The following AUH variants were observed in gnomAD, a reference collection of about 807,000 sequenced individuals.
AUH encodes the protein AU RNA binding methylglutaconyl-CoA hydratase.
A neutral mutation model predicts 42.3 loss-of-function variants in AUH; 29 were observed. The observed-to-expected ratio is 0.69, with a 90% CI of 0.51 to 0.93. The LOEUF is 0.93. Among genes scored for constraint, AUH ranks in the 40% least tolerant of loss-of-function variants. AUH has a pLI of 0.00. For missense variants in AUH, 452 were observed against 438.1 expected (o/e 1.03, Z -0.28); for synonymous variants, 174 against 166.4 (o/e 1.05, Z -0.35).
intron 3 of AUH, among the ~76,000 whole-genome samples, chr9:91,353,361 A>C (rs1283764023): frequency 6.6e-6 from 1 of 152,168 alleles, no homozygotes; most frequent in Non-Finnish European, 1.5e-5. Context: ...CTGGAATTAC[A>C]GGCATGAGCC....
intron 6 of AUH, among the ~76,000 whole-genome samples, chr9:91,280,182 T>C (rs1296881906): frequency 6.6e-6 from 1 of 152,224 alleles, no homozygotes; most frequent in East Asian, 1.9e-4. Context: ...TCTTAATTTA[T>C]AGGCAGAACT....
chr9:91,333,935 T>C (rs1830511946), intron 3 of AUH, among the ~76,000 whole-genome samples: 1 of 152,192 alleles, frequency 6.6e-6, no homozygotes, highest in Non-Finnish European at 1.5e-5. Context: ...AGGAATAACT[T>C]TCCATTGTGG....
chr9:91,357,444 A>G (rs1047792885), intron 1 of AUH: 67 of 931,640 alleles, frequency 7.2e-5, no homozygotes, highest in Non-Finnish European at 7.6e-5. Context: ...AGCAGCTAAG[A>G]CTAGATGTGT....
At chr9:91,284,894 C>G (rs1826276103) in intron 6 of AUH, among the ~76,000 whole-genome samples, 1 of 152,192 alleles carries the variant, frequency 6.6e-6, no homozygotes, top group African/African-American at 2.4e-5. Flanking sequence ...CTGTGGAAGA[C>G]AGTGTGGCAA....
Position 91,361,917 on chromosome 9 carries a change from AC to A in AUH, c.-29del. On this transcript the variant is annotated 5_prime_UTR_variant, in exon 1 of 10. Transcript: ENST00000375731. ...TGTCTGTTTACGGCGTGGACCTGCG[AC>A]GGCCGCTCCGCCCCCGCCCGGCGCC... 1 of 1,354,604 alleles carries A rather than the reference AC, an allele frequency of 7.4e-7. No homozygotes were observed. The highest frequency in any genetic ancestry group is 1.8e-5 in the South Asian group (1 of 54,926). The allele number at this position is 1,354,604 out of a possible 1,614,324, so 83.9% of individuals were successfully genotyped here.
chr9:91,241,562 A>G lies in AUH; in HGVS notation c.656-20570T>C, dbSNP rs570243088. Reference sequence around the variant, plus strand: ...TACATAATATGTATTATGTATGTGTAATACATATATACTTGTGTCAAATGA... The same window carrying G: ...TACATAATATGTATTATGTATGTGTGATACATATATACTTGTGTCAAATGA... On this transcript the variant is annotated intron_variant, in intron 6 of 9. Transcript: ENST00000375731. 1.2e-4 allele frequency among the ~76,000 whole-genome samples: 19 copies of G among 152,214 alleles called. No individual in the cohort carries two copies. In the East Asian group the frequency reaches 3.7e-3, roughly 29 times the overall value.
chr9:91,273,210 C>T (rs978812582), intron 6 of AUH, among the ~76,000 whole-genome samples: 6 of 152,122 alleles, frequency 3.9e-5, no homozygotes, highest in South Asian at 2.1e-4. Flanking sequence ...TGGGCAGAGA[C>T]AAAGCTGCTG....
intron 6 of AUH, among the ~76,000 whole-genome samples, chr9:91,251,345 C>G (rs1829115331): frequency 6.6e-6 from 1 of 152,186 alleles, no homozygotes; most frequent in Admixed American, 6.5e-5. Flanking sequence ...AGAAGTTTCA[C>G]CTCCTCTCAC....
chr9:91,361,744 A>G lies in AUH; in HGVS notation c.146T>C (p.Ile49Thr). ...SLAGRRAGPAIWAQGWVPAAG... is the reference protein window; with the variant it reads ...SLAGRRAGPATWAQGWVPAAG... The stretch of plus-strand genomic sequence containing the variant: ...CGCAGGTACCCAGCCCTGGGCCCAG[A>G]TCGCCGGGCCCGCTCGCCGGCCTGC... The change falls in exon 1 of 10, where the codon ATC (isoleucine) becomes ACC (threonine). Residue 49 changes from isoleucine (I) to threonine (T), a missense_variant. Transcript: ENST00000375731. The G allele has an allele frequency of 6.5e-7, 1 of 1,545,798 alleles. No individual in the cohort carries two copies. Among genetic ancestry groups the G allele is most frequent in the Non-Finnish European group, 8.7e-7 (1 of 1,145,588 alleles).
chr9:91,253,077 T>C (rs1431059194), intron 6 of AUH, among the ~76,000 whole-genome samples: 1 of 152,238 alleles, frequency 6.6e-6, no homozygotes, highest in Non-Finnish European at 1.5e-5. Context: ...TTGAAATGAT[T>C]AAGTTTACCA....
At chr9:91,262,619 T>G (rs1355158944) in intron 6 of AUH, among the ~76,000 whole-genome samples, 1 of 152,152 alleles carries the variant, frequency 6.6e-6, no homozygotes, top group Non-Finnish European at 1.5e-5. Flanking sequence ...TACACTCCAT[T>G]TAATCCTCAC....
In AUH at chr9:91,298,507, T is replaced by C. The variant is rs184212430; in HGVS notation, c.506-431A>G. Among the ~76,000 whole-genome samples the C allele has an allele frequency of 6.7e-4, 102 of 152,332 alleles. 1 individual carries two copies. In the East Asian group the frequency reaches 0.014, roughly 20 times the overall value. ...CAGTGCTTGGAATGACAGAGTCTCA[T>C]TCAAAGAAAGACATCTGCTCAAACA... On this transcript the variant is annotated intron_variant, in intron 4 of 9. Coordinates refer to ENST00000375731, the MANE Select transcript of AUH (RefSeq NM_001698.3).
Position 91,227,397 on chromosome 9 carries a change from G to T in AUH, c.656-6405C>A, listed in dbSNP as rs1276848625. Among the ~76,000 whole-genome samples the T allele has an allele frequency of 3.2e-3, 395 of 122,484 alleles. 10 individuals are homozygous for T. Among genetic ancestry groups the T allele is most frequent in the Non-Finnish European group, 7.0e-4 (40 of 56,828 alleles). 80.4% of individuals were successfully genotyped at this position (122,484 alleles called of 152,430 possible). On this transcript the variant is annotated intron_variant, in intron 6 of 9. Coordinates refer to ENST00000375731, the MANE Select transcript of AUH (RefSeq NM_001698.3). ...GGAATGCTTGTGATTTTTGCACATT[G>T]ATTTTGTATCCTGAGACTTTGCTGA...
At chr9:91,234,110 C>T (rs768804914) in intron 6 of AUH, among the ~76,000 whole-genome samples, 17 of 152,184 alleles carry the variant, frequency 1.1e-4, no homozygotes, top group African/African-American at 3.9e-4. Context: ...CATCCACTGC[C>T]CCCATTAAAA....
intron 6 of AUH, among the ~76,000 whole-genome samples, chr9:91,222,593 A>G (rs562832813): frequency 1.4e-4 from 21 of 152,326 alleles, no homozygotes; most frequent in African/African-American, 4.6e-4. Flanking sequence ...ACTTTCGACA[A>G]TGATGTTGCT....
At chr9:91,359,644 A>C (rs1261160632) in intron 1 of AUH, among the ~76,000 whole-genome samples, 1 of 152,156 alleles carries the variant, frequency 6.6e-6, no homozygotes, top group Non-Finnish European at 1.5e-5. Flanking sequence ...ACAAATATGG[A>C]GCCCAGATAA....
intron 3 of AUH, among the ~76,000 whole-genome samples, chr9:91,335,562 T>G (rs976993631): frequency 1.3e-5 from 2 of 152,238 alleles, no homozygotes; most frequent in Non-Finnish European, 2.9e-5. Flanking sequence ...TCACTTCATT[T>G]CCTTTCATCT....
chr9:91,276,603 T>C (rs1038292604), intron 6 of AUH, among the ~76,000 whole-genome samples: 31 of 152,058 alleles, frequency 2.0e-4, no homozygotes, highest in African/African-American at 7.5e-4. Flanking sequence ...TCAACAAAGG[T>C]TACTGACTCA....
At chr9:91,305,766 C>G (rs192615000) in intron 4 of AUH, among the ~76,000 whole-genome samples, 2 of 152,250 alleles carry the variant, frequency 1.3e-5, no homozygotes, top group East Asian at 3.9e-4. Context: ...TTATAGATGA[C>G]ACACTGAGGC....
Sources: gnomAD v4.1 joint callset for allele counts (sites outside exome capture counted in the v4.1 genomes callset) on GRCh38, gnomAD v4.1.1 for gene constraint, MANE v1.5 for transcripts, NCBI Gene and HGNC (gene_info 2026-07-23, HGNC 2026-07-21) for gene names.